SVOP: variants seen among roughly 807,000 people sequenced by gnomAD.
SVOP encodes the protein synaptic vesicle 2-related protein.
Under a neutral mutation model 69.1 loss-of-function variants are expected in SVOP, and 17 were observed. The ratio of observed to expected loss-of-function variants is 0.25; its 90% CI spans 0.17 to 0.37. The LOEUF is 0.37. Ranked by LOEUF, SVOP falls within the 10% of genes least tolerant of loss-of-function variation. SVOP has a pLI of 1.00. For missense variants in SVOP, 435 were observed against 597.5 expected (o/e 0.73, Z 2.84); for synonymous variants, 238 against 238.6 (o/e 1.00, Z 0.02).
intron 1 of SVOP, among the ~76,000 whole-genome samples, chr12:109,018,647 A>G (rs2040381133): frequency 6.6e-6 from 1 of 152,168 alleles, no homozygotes; most frequent in Non-Finnish European, 1.5e-5. Context: ...TCATGTGGCC[A>G]TTCCTTTTAG....
intron 3 of SVOP, among the ~76,000 whole-genome samples, chr12:108,978,028 C>T (rs1450431113): frequency 2.6e-5 from 4 of 152,052 alleles, no homozygotes; most frequent in Non-Finnish European, 4.4e-5. Context: ...TAGAAGCATG[C>T]CCATGTCTTG....
At chr12:109,002,152 T>A in intron 1 of SVOP, among the ~76,000 whole-genome samples, 1 of 81,394 alleles carries the variant, frequency 1.2e-5, no homozygotes, top group Non-Finnish European at 2.6e-5. Flanking sequence ...GCAAAGGATA[T>A]GAACAGACAC....
At chr12:108,915,963 G>C (rs760716506) in intron 14 of SVOP, 91 bp from the exon 15 acceptor site, 41 of 1,275,130 alleles carry the variant, frequency 3.2e-5, no homozygotes, top group Non-Finnish European at 4.1e-5. Flanking sequence ...CTCAGGGGCA[G>C]GCCGGAAGTC....
At chr12:108,952,736 G>A (rs2039963259) in intron 6 of SVOP, among the ~76,000 whole-genome samples, 1 of 152,148 alleles carries the variant, frequency 6.6e-6, no homozygotes, top group Non-Finnish European at 1.5e-5. Flanking sequence ...GCACACATCT[G>A]TACTCCTAGC....
At chr12:108,944,109 G>T (rs1264210388) in intron 7 of SVOP, among the ~76,000 whole-genome samples, 1 of 151,850 alleles carries the variant, frequency 6.6e-6, no homozygotes, top group Non-Finnish European at 1.5e-5. Flanking sequence ...GAGAACCCCT[G>T]ACCTCAGGTG....
Position 108,982,301 on chromosome 12 carries a change from AC to A in SVOP, c.196+1299del, listed in dbSNP as rs1374815262. ...CACTATCATCACCATCATCACCACCACCACCATCATTTTCATCATCATCACC... is the reference window on the plus strand; with the variant it reads ...CACTATCATCACCATCATCACCACCACACCATCATTTTCATCATCATCACC... On this transcript the variant is annotated intron_variant, in intron 2 of 15. Coordinates refer to ENST00000610966, the MANE Select transcript of SVOP (RefSeq NM_018711.5). Among the ~76,000 whole-genome samples, 72 of 150,854 alleles carry A rather than the reference AC, an allele frequency of 4.8e-4. 1 individual carries two copies. The Middle Eastern group carries it at 0.01, about 22-fold the overall frequency.
At chr12:108,916,438 C>G (rs1218529551) in intron 14 of SVOP, among the ~76,000 whole-genome samples, 1 of 152,174 alleles carries the variant, frequency 6.6e-6, no homozygotes, top group Admixed American at 6.5e-5. Flanking sequence ...GCTTCTCAGC[C>G]TGGGCACTGT....
At position 108,961,012 on chromosome 12, in the gene SVOP, A is replaced by G. The variant is rs953190718; in HGVS notation, c.489T>C (p.Tyr163=). ...CGGGCGCAAATGCACTAAGGATGCC[A>G]TAGTACAGAGTCCACAGCACGCTGA... ...LKISVLWTLY[Y]GILSAFAPVY... is the part of the protein sequence containing the mutation. The change falls in exon 6 of 16, where the codon TAT becomes TAC. Residue 163 remains tyrosine, a synonymous_variant. Transcript: ENST00000610966. 7 of 1,537,020 alleles carry G rather than the reference A, an allele frequency of 4.6e-6. No individual in the cohort carries two copies. In the Admixed American group the frequency reaches 1.2e-4, roughly 26 times the overall value.
intron 5 of SVOP, among the ~76,000 whole-genome samples, chr12:108,970,338 C>T (rs936610583): frequency 1.3e-5 from 2 of 152,226 alleles, no homozygotes; most frequent in African/African-American, 4.8e-5. Context: ...CTCTCCGTGC[C>T]TCAGTTTCCT....
At position 108,907,987 on chromosome 12, in the gene SVOP, A is replaced by G. The variant is rs1432166448; in HGVS notation, c.*4548T>C. On this transcript the variant is annotated 3_prime_UTR_variant, in exon 16 of 16. Coordinates refer to ENST00000610966, the MANE Select transcript of SVOP (RefSeq NM_018711.5). Reference sequence around the variant, plus strand: ...AATGCCACCGTGTCTGTACCTCTCCACCACTTCTTCCTGACCCAATTGAAT... The same window carrying G: ...AATGCCACCGTGTCTGTACCTCTCCGCCACTTCTTCCTGACCCAATTGAAT... 1 of 152,218 alleles carries G rather than the reference A, an allele frequency of 6.6e-6. No homozygotes were observed. The highest frequency in any genetic ancestry group is 1.5e-5 in the Non-Finnish European group (1 of 68,056). 9.4% of individuals were successfully genotyped at this position (152,218 alleles called of 1,614,324 possible).
In SVOP at chr12:108,919,740, C is replaced by A; in HGVS notation, c.1203G>T (p.Lys401Asn). The change falls in exon 13 of 16, where the codon AAG becomes AAT. Residue 401 changes from lysine (K) to asparagine (N), a missense_variant. Physicochemically the swap from Lys to Asn is moderately conservative, Grantham distance 94. Transcript: ENST00000610966. ...LWIIDRLGRK[K>N]TMALCFVIFS... Reference sequence around the variant, plus strand: ...AGATGACAAAGCACAGGGCCATGGTCTTCTTGCGCCCCAGGCGGTCAATAA... The same window carrying A: ...AGATGACAAAGCACAGGGCCATGGTATTCTTGCGCCCCAGGCGGTCAATAA... 2 of 1,606,854 alleles carry A rather than the reference C, an allele frequency of 1.2e-6. No individual in the cohort carries two copies. Among genetic ancestry groups the A allele is most frequent in the South Asian group, 2.2e-5 (2 of 89,516 alleles).
rs1484847902 is a variant in SVOP, at chr12:108,983,483, C to G, written c.196+118G>C. ...GCTCAGCTCCCACTTCCAGCTCCAC[C>G]CCTTGGCCCCCTGGGCCCTCCCAAC... is the stretch of plus-strand genomic sequence containing the variant. On this transcript the variant is annotated intron_variant, in intron 2 of 15. Coordinates refer to ENST00000610966, the MANE Select transcript of SVOP (RefSeq NM_018711.5). The G allele has an allele frequency of 1.0e-5, 4 of 397,988 alleles. No homozygotes were observed. In the East Asian group the frequency reaches 1.4e-4, roughly 14 times the overall value. The allele number at this position is 397,988 out of a possible 1,614,324, so 24.7% of individuals were successfully genotyped here.
chr12:108,912,745 G>A lies in SVOP; in HGVS notation c.1441-4C>T, dbSNP rs1326565356. On this transcript the variant is annotated splice_region_variant and splice_polypyrimidine_tract_variant and intron_variant, in intron 15 of 15. Coordinates refer to ENST00000610966, the MANE Select transcript of SVOP (RefSeq NM_018711.5). The stretch of plus-strand genomic sequence containing the variant: ...ACACAGAGGATTCCAGCATCACCTA[G>A]GGGAAGGAGACACGGGTCGGTGAAA... The A allele has an allele frequency of 1.9e-6, 3 of 1,613,134 alleles. No individual in the cohort carries two copies. Among genetic ancestry groups the A allele is most frequent in the East Asian group, 2.2e-5 (1 of 44,854 alleles).
At chr12:108,924,053 T>C (rs997054180) in intron 11 of SVOP, among the ~76,000 whole-genome samples, 2 of 152,170 alleles carry the variant, frequency 1.3e-5, no homozygotes, top group Non-Finnish European at 1.5e-5. Flanking sequence ...GGCTCTTCCA[T>C]CATGAATGGG....
At chr12:108,926,050 C>A (rs1221632303) in intron 11 of SVOP, among the ~76,000 whole-genome samples, 4 of 152,054 alleles carry the variant, frequency 2.6e-5, no homozygotes, top group African/African-American at 9.7e-5. Flanking sequence ...TCCCAAATAG[C>A]TGGGACCACA....
intron 1 of SVOP, among the ~76,000 whole-genome samples, chr12:109,000,189 G>A (rs1422073601): frequency 6.6e-5 from 10 of 152,226 alleles, no homozygotes; most frequent in South Asian, 2.1e-4. Context: ...ACACCTCTAC[G>A]CAAATAAACT....
chr12:108,953,140 TTTTTTTTTTTTTC>T (rs1243054964), intron 6 of SVOP, among the ~76,000 whole-genome samples: 1 of 125,806 alleles, frequency 7.9e-6, no homozygotes, highest in Non-Finnish European at 1.7e-5. Context: ...AATTGACTTT[TTTTTTTTTTTTTC>T]TTTTTTTTTT....
intron 5 of SVOP, among the ~76,000 whole-genome samples, chr12:108,968,295 C>G (rs143787046): frequency 6.6e-6 from 1 of 152,186 alleles, no homozygotes; most frequent in South Asian, 2.1e-4. Flanking sequence ...CCTTTCCTCA[C>G]GGAGTTTACT....
At chr12:108,915,585 C>G (rs1352727580) in intron 15 of SVOP, among the ~76,000 whole-genome samples, 198 bp downstream of exon 15, 1 of 152,216 alleles carries the variant, frequency 6.6e-6, no homozygotes, top group African/African-American at 2.4e-5. Context: ...GCTGCATGAC[C>G]TTGAGCATGT....
Sources: gnomAD v4.1 joint callset for allele counts (sites outside exome capture counted in the v4.1 genomes callset) on GRCh38, gnomAD v4.1.1 for gene constraint, MANE v1.5 for transcripts, NCBI Gene and HGNC (gene_info 2026-07-23, HGNC 2026-07-21) for gene names.